The following DNAI2 variants were observed in gnomAD, a reference collection of about 807,000 sequenced individuals.
DNAI2 encodes the protein dynein axonemal intermediate chain 2, also known as dynein, axonemal, intermediate polypeptide 2.
DNAI2 carries 63 observed loss-of-function variants against 74.7 expected under a neutral mutation model. The ratio of observed to expected loss-of-function variants is 0.84; its 90% CI spans 0.69 to 1.04. The LOEUF (loss-of-function observed/expected upper bound fraction) is 1.04, where lower values mean the gene tolerates loss of function less well. Ranked by LOEUF, DNAI2 falls within the 50% of genes least tolerant of loss-of-function variation. The probability of loss-of-function intolerance (pLI) is 0.00; values close to 1 mark genes in which losing one functional copy is unlikely to be tolerated. For missense variants in DNAI2, 688 were observed against 803.2 expected (o/e 0.86, Z 1.73); for synonymous variants, 289 against 314.9 (o/e 0.92, Z 0.87).
chr17:74,307,339 C>T (rs1467243936), intron 9 of DNAI2: 1 of 455,788 alleles, frequency 2.2e-6, no homozygotes, highest in Non-Finnish European at 4.4e-6. Flanking sequence ...TGTCCTCCTC[C>T]TGCATAAGGT....
rs1426349623 is a variant in DNAI2, at chr17:74,303,773, T to C, written c.988-1446T>C. Among the ~76,000 whole-genome samples the C allele has an allele frequency of 4.6e-5, 7 of 152,058 alleles. No individual in the cohort carries two copies. The South Asian group carries it at 6.2e-4, about 13-fold the overall frequency. ...GATTTTATATTTATCATTTTAGTAA[T>C]TTTCTGGTAGAAGAAAACTGCATAA... On this transcript the variant is annotated intron_variant, in intron 8 of 13. Transcript: ENST00000311014.
At chr17:74,304,186 C>CTTTTTTTTTTTTTTTTTTTTTTTTTT (rs56696514) in intron 8 of DNAI2, among the ~76,000 whole-genome samples, 47 of 67,640 alleles carry the variant, frequency 6.9e-4, no homozygotes, top group Non-Finnish European at 8.6e-4. Context: ...TTTCTTTTTT[C>CTTTTTTTTTTTTTTTTTTTTTTTTTT]TTTTTTTTTT....
chr17:74,290,618 C>G (rs904778709), intron 5 of DNAI2, among the ~76,000 whole-genome samples: 2 of 152,192 alleles, frequency 1.3e-5, no homozygotes, highest in Non-Finnish European at 2.9e-5. Context: ...TCAGCGAGTT[C>G]TGGCAGCAGC....
At chr17:74,313,670 T>C (rs2053660880) in intron 12 of DNAI2, among the ~76,000 whole-genome samples, 2 of 152,234 alleles carry the variant, frequency 1.3e-5, no homozygotes, top group Admixed American at 1.3e-4. Context: ...TCCTCCTGCC[T>C]GCCACACACT....
chr17:74,307,412 A>G, intron 9 of DNAI2: 1 of 423,126 alleles, frequency 2.4e-6, no homozygotes, highest in Non-Finnish European at 4.8e-6. Flanking sequence ...TAATGCCTGT[A>G]ATCCCAGCAC....
At chr17:74,286,852 C>T (rs2143919302) in intron 3 of DNAI2, 125 bp from the exon 4 acceptor site, 2 of 1,262,812 alleles carry the variant, frequency 1.6e-6, no homozygotes, top group Admixed American at 3.5e-5. Flanking sequence ...CCATTGAAAG[C>T]ACATGGTTAG....
intron 8 of DNAI2, among the ~76,000 whole-genome samples, chr17:74,301,775 C>CT (rs1284014945): frequency 2.2e-5 from 3 of 135,916 alleles, no homozygotes; most frequent in Non-Finnish European, 3.2e-5. Context: ...ATAATGAGAC[C>CT]CCCCCCACCG....
At position 74,309,997 on chromosome 17, in the gene DNAI2, C is replaced by T; in HGVS notation, c.1348-20C>T. The T allele has an allele frequency of 6.2e-7, 1 of 1,613,708 alleles. No homozygotes were observed. Among genetic ancestry groups the T allele is most frequent in the South Asian group, 1.1e-5 (1 of 91,086 alleles). On this transcript the variant is annotated intron_variant, in intron 10 of 13. Transcript: ENST00000311014. ...TTGCTCCTCTCTCCTCTACCTGGGT[C>T]TGCCCGGCCCCTTCAATAGGTGTGT... is the stretch of plus-strand genomic sequence containing the variant.
Position 74,302,064 on chromosome 17 carries a change from AAGGAAAGAAGGAAG to A in DNAI2, c.987+897_987+910del, listed in dbSNP as rs1567865734. 2.5e-4 allele frequency among the ~76,000 whole-genome samples: 17 copies of A among 68,700 alleles called. 1 individual carries two copies. Among genetic ancestry groups the A allele is most frequent in the Admixed American group, 8.2e-4 (7 of 8,580 alleles). 45.1% of individuals were successfully genotyped at this position (68,700 alleles called of 152,430 possible). Reference sequence around the variant, plus strand: ...GAAGGAAGGAAGGAAGGAAGGAAGGAAGGAAAGAAGGAAGGAAGGAAGGAAGGAAGGAAGGAAGG... The same window carrying A: ...GAAGGAAGGAAGGAAGGAAGGAAGGAGAAGGAAGGAAGGAAGGAAGGAAGG... On this transcript the variant is annotated intron_variant, in intron 8 of 13. Transcript: ENST00000311014.
intron 1 of DNAI2, among the ~76,000 whole-genome samples, chr17:74,275,402 G>A (rs537909153): frequency 6.6e-4 from 101 of 152,172 alleles, no homozygotes; most frequent in African/African-American, 2.0e-3. Flanking sequence ...TCAGGACCCC[G>A]GAATTCCAGA....
chr17:74,294,972 T>C (rs1430286498), intron 6 of DNAI2, among the ~76,000 whole-genome samples: 4 of 152,160 alleles, frequency 2.6e-5, no homozygotes, highest in African/African-American at 9.7e-5. Context: ...CTACATAATC[T>C]CAATTGACCC....
rs2051417804 is a variant in DNAI2 at position 74,281,978 on chromosome 17, C to T, written c.161C>T (p.Ser54Leu). The T allele has an allele frequency of 6.2e-7, 1 of 1,614,050 alleles. No homozygotes were observed. The highest frequency in any genetic ancestry group is 1.3e-5 in the African/African-American group (1 of 75,028). The change falls in exon 2 of 14, where the codon TCG becomes TTG. Residue 54 changes from serine (S) to leucine (L), a missense_variant. Ser to Leu is a moderately radical substitution (Grantham distance 145). Coordinates refer to ENST00000311014, the MANE Select transcript of DNAI2 (RefSeq NM_023036.6). ...RNPVDTGIQC[S>L]ISMSEHEANS... ...CCAGTGGACACGGGCATCCAGTGCT[C>T]GATCAGCATGTCGGAACACGAGGTG...
At chr17:74,289,430 G>A (rs2051946046) in intron 4 of DNAI2, among the ~76,000 whole-genome samples, 164 bp from the exon 5 acceptor site, 1 of 151,974 alleles carries the variant, frequency 6.6e-6, no homozygotes, top group South Asian at 2.1e-4. Context: ...GGGAGGCTGA[G>A]GCAGGAGAAT....
intron 1 of DNAI2, among the ~76,000 whole-genome samples, chr17:74,280,476 C>A (rs1488346236): frequency 6.6e-6 from 1 of 152,206 alleles, no homozygotes; most frequent in Non-Finnish European, 1.5e-5. Flanking sequence ...CAAAGGCCTC[C>A]ATGTCCCGCC....
At chr17:74,305,138 A>G (rs1335209605) in intron 8 of DNAI2, 81 bp from the exon 9 acceptor site, 2 of 1,474,292 alleles carry the variant, frequency 1.4e-6, no homozygotes, top group East Asian at 4.6e-5. Context: ...CAGACCCCCC[A>G]AGCAAGCTCC....
intron 5 of DNAI2, 149 bp from the exon 6 acceptor site, chr17:74,290,871 G>A (rs1349482886): frequency 1.3e-6 from 1 of 777,020 alleles, no homozygotes; most frequent in African/African-American, 1.7e-5. Flanking sequence ...GTGGACCAGG[G>A]GGTGCAGGCT....
chr17:74,313,527 C>T lies in DNAI2; in HGVS notation c.1723-594C>T, dbSNP rs183820332. On this transcript the variant is annotated intron_variant, in intron 12 of 13. Transcript: ENST00000311014. The stretch of plus-strand genomic sequence containing the variant: ...AGATGACACTGGCCACCTTTTACAA[C>T]GCAATGGTGGCTGGTAGGCACCATG... Among the ~76,000 whole-genome samples the T allele has an allele frequency of 9.8e-5, 15 of 152,302 alleles. 1 individual carries two copies. The highest frequency in any genetic ancestry group is 5.8e-4 in the East Asian group (3 of 5,170).
At chr17:74,289,774 G>C (rs1352680755) in intron 5 of DNAI2, 38 bp downstream of exon 5, 1 of 1,612,898 alleles carries the variant, frequency 6.2e-7, no homozygotes, top group African/African-American at 1.3e-5. Flanking sequence ...TGGGAGGGCT[G>C]AGGGCTGGGA....
intron 2 of DNAI2, among the ~76,000 whole-genome samples, chr17:74,282,266 A>G (rs1381773350): frequency 6.6e-6 from 1 of 152,092 alleles, no homozygotes; most frequent in Non-Finnish European, 1.5e-5. Context: ...TTTCACCTCG[A>G]AGACACTTAC....
Sources: gnomAD v4.1 joint callset for allele counts (sites outside exome capture counted in the v4.1 genomes callset) on GRCh38, gnomAD v4.1.1 for gene constraint, MANE v1.5 for transcripts, NCBI Gene and HGNC (gene_info 2026-07-23, HGNC 2026-07-21) for gene names.